Variants in CTNND1 observed in about 807,000 individuals in gnomAD.
The protein encoded by CTNND1 is catenin delta 1.
CTNND1 carries 16 observed loss-of-function variants against 112.1 expected under a neutral mutation model. The observed-to-expected ratio is 0.14, with a 90% CI of 0.10 to 0.22. The LOEUF is 0.22. CTNND1 is among the 10% of genes least tolerant of loss of function. The pLI is 1.00. For missense variants in CTNND1, 1,008 were observed against 1,257.0 expected, an observed-to-expected ratio of 0.80 and a Z score of 3.00; for synonymous variants, 420 against 446.5, an observed-to-expected ratio of 0.94 and a Z score of 0.75.
intron 1 of CTNND1, among the ~76,000 whole-genome samples, chr11:57,765,460 ATTTTTTTT>A (rs5792061): frequency 4.7e-5 from 5 of 105,600 alleles, no homozygotes; most frequent in African/African-American, 1.8e-4. Flanking sequence ...TCCTCCCTTA[ATTTTTTTT>A]TTTTTTTTTT....
chr11:57,779,517 C>G (rs1269215221), intron 1 of CTNND1, among the ~76,000 whole-genome samples: 1 of 152,200 alleles, frequency 6.6e-6, no homozygotes, highest in Non-Finnish European at 1.5e-5. Flanking sequence ...CACACACAAA[C>G]CCGCCTTTGA....
Position 57,794,248 on chromosome 11 carries a change from C to T in CTNND1, c.267+167C>T, listed in dbSNP as rs1388032529. 2.0e-5 allele frequency among the ~76,000 whole-genome samples: 3 copies of T among 152,124 alleles called. No individual in the cohort carries two copies. In the East Asian group the frequency reaches 5.8e-4, roughly 29 times the overall value. ...GAAGTGGAGCTCCAAAGTATATATG[C>T]AGTTTTGTTTTGGAATGAATTTTAA... On this transcript the variant is annotated intron_variant, in intron 4 of 20. Coordinates refer to ENST00000399050, the MANE Select transcript of CTNND1 (RefSeq NM_001085458.2).
In CTNND1 at chr11:57,808,265, C is replaced by G; in HGVS notation, c.2064C>G (p.Ile688Met). The part of the protein sequence containing the change: ...PAILEASAGA[I>M]QNLCAGRWTY... ...TCCTAGAAGCCTCAGCTGGAGCTAT[C>G]CAGAACTTGTGTGCTGGGCGCTGGA... is the stretch of plus-strand genomic sequence containing the variant. Residue 688 changes from isoleucine (I) to methionine (M), a missense_variant, in exon 13 of 21, where the codon ATC (isoleucine) becomes ATG (methionine). Around this residue, in one of 5 missense-constraint regions of CTNND1, gnomAD observed 254 missense variants for 279.5 expected, o/e 0.91. Transcript: ENST00000399050. The G allele has an allele frequency of 1.9e-6, 3 of 1,613,636 alleles. No homozygotes were observed. The highest frequency in any genetic ancestry group is 2.5e-6 in the Non-Finnish European group (3 of 1,179,582).
In CTNND1 at chr11:57,809,373, C is replaced by G; in HGVS notation, c.2342C>G (p.Thr781Ser). 4 of 1,614,000 alleles carry G rather than the reference C, an allele frequency of 2.5e-6. No homozygotes were observed. Among genetic ancestry groups the G allele is most frequent in the Non-Finnish European group, 2.5e-6 (3 of 1,179,844 alleles). ...GACACTGTCATCTCTATTTTGAACA[C>G]TATCAACGAGGTTATCGCTGAGAAC... The part of the protein sequence containing the change: ...SEDTVISILN[T>S]INEVIAENLE... Residue 781 changes from threonine to serine, a missense_variant, in exon 15 of 21, where the codon ACT becomes AGT. This residue lies in a region of CTNND1 where 254 missense variants were observed against 279.5 expected (regional missense o/e 0.91). Transcript: ENST00000399050.
In CTNND1 at chr11:57,810,222, A is replaced by C; in HGVS notation, c.2549A>C (p.Gln850Pro). 1 of 1,599,256 alleles carries C rather than the reference A, an allele frequency of 6.3e-7. No homozygotes were observed. The highest frequency in any genetic ancestry group is 8.5e-7 in the Non-Finnish European group (1 of 1,173,794). The change falls in exon 16 of 21, where the codon CAG becomes CCG. Residue 850 changes from glutamine to proline, a missense_variant and splice_region_variant. By Grantham distance (76) the Gln-to-Pro change is moderately conservative (BLOSUM62 -1). Transcript: ENST00000399050. Reference sequence around the variant, plus strand: ...GAAGGATGGAAGAAATCAGACTTTCAGGTATAGTAACTTTTGAGACCAAGA... The same window carrying C: ...GAAGGATGGAAGAAATCAGACTTTCCGGTATAGTAACTTTTGAGACCAAGA... ...EKEGWKKSDF[Q>P]VNLNNASRSQ...
At chr11:57,793,671 T>C (rs2061016337) in intron 3 of CTNND1, among the ~76,000 whole-genome samples, 1 of 152,250 alleles carries the variant, frequency 6.6e-6, no homozygotes, top group Non-Finnish European at 1.5e-5. Flanking sequence ...TCTGTGCTGT[T>C]TATTCAGCAA....
intron 1 of CTNND1, among the ~76,000 whole-genome samples, chr11:57,764,863 C>T (rs1174847145): frequency 6.6e-6 from 1 of 152,170 alleles, no homozygotes; most frequent in East Asian, 1.9e-4. Context: ...TTCATCTTGG[C>T]ACAGGGGCAG....
At position 57,803,762 on chromosome 11, in the gene CTNND1, T is replaced by C. The variant is rs768296530; in HGVS notation, c.1562T>C (p.Ile521Thr). The change falls in exon 8 of 21, where the codon ATT (isoleucine) becomes ACT (threonine). Residue 521 changes from isoleucine to threonine, a missense_variant. Ile to Thr is a moderately conservative substitution (Grantham distance 89). Coordinates refer to ENST00000399050, the MANE Select transcript of CTNND1 (RefSeq NM_001085458.2). ...EPNEDCKPRH[I>T]EWESVLTNTA... ...AATGAAGACTGTAAGCCACGCCACATTGAGTGGGAATCGGTGCTCACCAAC... is the reference window on the plus strand; with the variant it reads ...AATGAAGACTGTAAGCCACGCCACACTGAGTGGGAATCGGTGCTCACCAAC... 7 of 1,612,358 alleles carry C rather than the reference T, an allele frequency of 4.3e-6. No individual in the cohort carries two copies. The highest frequency in any genetic ancestry group is 1.1e-5 in the South Asian group (1 of 90,744).
At position 57,816,611 on chromosome 11, in the gene CTNND1, A is replaced by T. The variant is rs1022116178; in HGVS notation, c.*303A>T. The T allele has an allele frequency of 4.2e-6, 2 of 476,926 alleles. No homozygotes were observed. Among genetic ancestry groups the T allele is most frequent in the African/African-American group, 3.9e-5 (2 of 51,192 alleles). The allele number at this position is 476,926 out of a possible 1,614,324, so 29.5% of individuals were successfully genotyped here. A position where few individuals can be genotyped will look rare whatever the true frequency, so the allele number is the denominator to read the frequency against. The stretch of plus-strand genomic sequence containing the variant: ...AGTTCTTTTTGCCAGTTTTCCCTGG[A>T]ACTCCTGGCCTTTTGTGGAGGGGAG... On this transcript the variant is annotated 3_prime_UTR_variant, in exon 21 of 21. Transcript: ENST00000399050.
intron 1 of CTNND1, among the ~76,000 whole-genome samples, chr11:57,782,264 G>A (rs762820600): frequency 1.3e-5 from 2 of 152,142 alleles, no homozygotes; most frequent in Non-Finnish European, 2.9e-5. Context: ...AGAGGAGGGT[G>A]GTCTGCCCAG....
chr11:57,776,380 T>A (rs1954234912), intron 1 of CTNND1, among the ~76,000 whole-genome samples: 1 of 152,144 alleles, frequency 6.6e-6, no homozygotes. Flanking sequence ...AACTCTTATG[T>A]AGTGGGTTTG....
At chr11:57,804,214 G>A (rs1391107735) in intron 8 of CTNND1, among the ~76,000 whole-genome samples, 1 of 152,218 alleles carries the variant, frequency 6.6e-6, no homozygotes, top group Non-Finnish European at 1.5e-5. Context: ...GGGCATGGGT[G>A]AGGAAGGTCT....
At chr11:57,768,604 A>G (rs1261181621) in intron 1 of CTNND1, among the ~76,000 whole-genome samples, 2 of 151,872 alleles carry the variant, frequency 1.3e-5, no homozygotes, top group South Asian at 2.1e-4. Flanking sequence ...TGTGTTAGCC[A>G]GGATGATCTT....
chr11:57,791,208 T>C (rs1394898990), intron 2 of CTNND1, among the ~76,000 whole-genome samples, 177 bp from the exon 3 acceptor site: 2 of 152,238 alleles, frequency 1.3e-5, no homozygotes, highest in Non-Finnish European at 2.9e-5. Flanking sequence ...AGAAAGCTAG[T>C]GGGCAAAGGA....
At chr11:57,773,793 T>G (rs1024359840) in intron 1 of CTNND1, among the ~76,000 whole-genome samples, 1 of 151,630 alleles carries the variant, frequency 6.6e-6, no homozygotes, top group African/African-American at 2.4e-5. Context: ...AATATAAAAA[T>G]TAGCCGGGCG....
intron 1 of CTNND1, among the ~76,000 whole-genome samples, chr11:57,768,168 A>G (rs922368367): frequency 3.3e-5 from 5 of 151,764 alleles, no homozygotes; most frequent in Non-Finnish European, 7.4e-5. Context: ...TCTGTGGTAG[A>G]TGTAGGTGCT....
intron 20 of CTNND1, 37 bp from the exon 21 acceptor site, chr11:57,816,258 ACC>A: frequency 6.2e-7 from 1 of 1,613,236 alleles, no homozygotes; most frequent in Non-Finnish European, 8.5e-7. Context: ...CTTAATCCCA[ACC>A]CCATTAACAT....
intron 1 of CTNND1, among the ~76,000 whole-genome samples, chr11:57,766,764 T>C (rs1208006527): frequency 6.6e-6 from 1 of 152,196 alleles, no homozygotes; most frequent in Admixed American, 6.5e-5. Context: ...AAGTAATTTT[T>C]TTCCCTAATT....
intron 1 of CTNND1, among the ~76,000 whole-genome samples, chr11:57,768,019 A>C (rs1951547415): frequency 6.6e-6 from 1 of 151,498 alleles, no homozygotes; most frequent in African/African-American, 2.4e-5. Context: ...TTTTTAGTAG[A>C]GGAGGGGGTT....
Sources: gnomAD v4.1 joint callset for allele counts (sites outside exome capture counted in the v4.1 genomes callset) on GRCh38, gnomAD v4.1.1 for gene constraint, gnomAD v4.1.1 regional missense constraint, MANE v1.5 for transcripts, NCBI Gene and HGNC (gene_info 2026-07-23, HGNC 2026-07-21) for gene names.